The following CDH12 variants were observed in gnomAD, a reference collection of about 807,000 sequenced individuals.
CDH12 encodes cadherin-12.
A neutral mutation model predicts 74.1 loss-of-function variants in CDH12; 41 were observed. That is an observed-to-expected ratio of 0.55 (90% CI 0.43 to 0.72). The LOEUF (loss-of-function observed/expected upper bound fraction) is 0.72, where lower values mean the gene tolerates loss of function less well. Ranked by LOEUF, CDH12 falls within the 30% of genes least tolerant of loss-of-function variation. The pLI, the probability that CDH12 is intolerant of heterozygous loss-of-function variation, is 0.00. For synonymous variants in CDH12, 399 were observed against 355.0 expected, an observed-to-expected ratio of 1.12 and a Z score of -1.39; for missense variants, 945 against 977.2, an observed-to-expected ratio of 0.97 and a Z score of 0.44.
At chr5:22,781,899 C>A (rs879739197) in intron 1 of CDH12, among the ~76,000 whole-genome samples, 3 of 152,270 alleles carry the variant, frequency 2.0e-5, no homozygotes, top group Admixed American at 6.5e-5. Flanking sequence ...GGGTGTGAGA[C>A]ATGCAAAGAA....
intron 3 of CDH12, among the ~76,000 whole-genome samples, chr5:22,369,704 C>T (rs1356509991): frequency 1.3e-5 from 2 of 152,142 alleles, no homozygotes; most frequent in Non-Finnish European, 2.9e-5. Context: ...GCTCTTCGAA[C>T]ACACAAAATC....
At chr5:22,760,402 C>T (rs1286970677) in intron 1 of CDH12, among the ~76,000 whole-genome samples, 3 of 152,004 alleles carry the variant, frequency 2.0e-5, no homozygotes, top group Admixed American at 6.5e-5. Context: ...GTAAATGGGC[C>T]GGGCGCGGTG....
intron 4 of CDH12, among the ~76,000 whole-genome samples, chr5:22,199,320 C>T (rs1355521157): frequency 2.0e-5 from 3 of 152,164 alleles, no homozygotes; most frequent in Non-Finnish European, 4.4e-5. Context: ...GGTTAGATAA[C>T]TCAGGAGTCT....
At chr5:22,164,468 G>T (rs950852506) in intron 4 of CDH12, among the ~76,000 whole-genome samples, 7 of 152,194 alleles carry the variant, frequency 4.6e-5, no homozygotes, top group Non-Finnish European at 8.8e-5. Flanking sequence ...ATGGAAGTCA[G>T]CGGAGGGTCT....
chr5:21,844,764 C>T (rs1485635175), intron 7 of CDH12, among the ~76,000 whole-genome samples: 2 of 151,870 alleles, frequency 1.3e-5, no homozygotes, highest in African/African-American at 4.8e-5. Context: ...GGCAAATAAC[C>T]AGAAAAAAAC....
chr5:21,764,896 G>T, intron 12 of CDH12, 82 bp downstream of exon 12: 1 of 1,256,848 alleles, frequency 8.0e-7, no homozygotes, highest in East Asian at 2.3e-5. Context: ...ATATATGTGT[G>T]CATATTCATG....
Position 22,847,172 on chromosome 5 carries a change from C to CT in CDH12, c.-523+5885_-523+5886insA, listed in dbSNP as rs764760365. On this transcript the variant is annotated intron_variant, in intron 1 of 14. Transcript: ENST00000382254. Reference sequence around the variant, plus strand: ...TATAACTAGATTTCTCACTATAAGACACTCTTTTACTTGAGAAATTTATTT... The same window carrying CT: ...TATAACTAGATTTCTCACTATAAGACTACTCTTTTACTTGAGAAATTTATTT... Among the ~76,000 whole-genome samples the CT allele has an allele frequency of 2.4e-4, 37 of 152,110 alleles. 1 individual carries two copies. The highest frequency in any genetic ancestry group is 8.8e-5 in the Non-Finnish European group (6 of 68,018).
At chr5:22,006,869 A>T (rs945070043) in intron 5 of CDH12, among the ~76,000 whole-genome samples, 7 of 152,160 alleles carry the variant, frequency 4.6e-5, no homozygotes, top group Admixed American at 3.9e-4. Flanking sequence ...TTTTATTATT[A>T]TTAAAATTAG....
chr5:21,966,025 A>G (rs1347318746), intron 6 of CDH12, among the ~76,000 whole-genome samples: 1 of 152,138 alleles, frequency 6.6e-6, no homozygotes, highest in African/African-American at 2.4e-5. Flanking sequence ...TGATTTTAAT[A>G]AAGCCAAACC....
intron 5 of CDH12, among the ~76,000 whole-genome samples, chr5:22,045,977 T>C (rs975803613): frequency 2.0e-5 from 3 of 152,178 alleles, no homozygotes; most frequent in African/African-American, 7.2e-5. Context: ...TTGCACAATA[T>C]ATGCATATAT....
chr5:22,793,392 A>G (rs993419991), intron 1 of CDH12, among the ~76,000 whole-genome samples: 3 of 152,196 alleles, frequency 2.0e-5, no homozygotes, highest in Non-Finnish European at 2.9e-5. Context: ...GGTGATTATA[A>G]CTACTTTATA....
chr5:22,318,426 C>T (rs1416805568), intron 3 of CDH12, among the ~76,000 whole-genome samples: 2 of 152,174 alleles, frequency 1.3e-5, no homozygotes, highest in Admixed American at 6.5e-5. Flanking sequence ...ACTGTCAGCT[C>T]GGAATCAAAG....
intron 2 of CDH12, among the ~76,000 whole-genome samples, chr5:22,475,775 T>G (rs1301416088): frequency 6.6e-6 from 1 of 152,064 alleles, no homozygotes; most frequent in Non-Finnish European, 1.5e-5. Context: ...TCAGTAACTT[T>G]AATCTTTCCC....
intron 4 of CDH12, among the ~76,000 whole-genome samples, chr5:22,147,880 G>C (rs1339618430): frequency 6.6e-6 from 1 of 152,046 alleles, no homozygotes; most frequent in Non-Finnish European, 1.5e-5. Context: ...ATTTGGGTGG[G>C]GACACAGCCA....
At chr5:21,954,676 G>A (rs1756014156) in intron 6 of CDH12, among the ~76,000 whole-genome samples, 1 of 152,030 alleles carries the variant, frequency 6.6e-6, no homozygotes, top group African/African-American at 2.4e-5. Context: ...CACAATAGAT[G>A]TTTAATGAGA....
intron 4 of CDH12, among the ~76,000 whole-genome samples, chr5:22,095,575 T>G (rs1287001966): frequency 2.0e-5 from 3 of 151,974 alleles, no homozygotes; most frequent in Non-Finnish European, 2.9e-5. Context: ...TCTCTACCCC[T>G]TCTCTGCTTT....
At chr5:22,425,940 A>G (rs564435814) in intron 2 of CDH12, among the ~76,000 whole-genome samples, 11 of 152,008 alleles carry the variant, frequency 7.2e-5, no homozygotes, top group African/African-American at 2.4e-4. Context: ...ATCCAGTGCT[A>G]TTGTTTGGGA....
Position 22,022,948 on chromosome 5 carries a change from C to T in CDH12, c.232-47563G>A, listed in dbSNP as rs184105817. On this transcript the variant is annotated intron_variant, in intron 5 of 14. Coordinates refer to ENST00000382254, the MANE Select transcript of CDH12 (RefSeq NM_004061.5). ...GTGCAAAATAATCTAACTGGTTTCC[C>T]TTCCTTTCATTATCACCAATCTTCC... Among the ~76,000 whole-genome samples, 4 of 152,180 alleles carry T rather than the reference C, an allele frequency of 2.6e-5. No individual in the cohort carries two copies. In the East Asian group the frequency reaches 7.7e-4, roughly 29 times the overall value.
At chr5:21,774,523 C>T (rs745514687) in intron 11 of CDH12, 2 of 152,074 alleles carry the variant, frequency 1.3e-5, no homozygotes, top group Admixed American at 6.6e-5. Context: ...AGTCATTTCC[C>T]CTAATAAACT....
Sources: allele counts gnomAD v4.1 joint callset (sites outside exome capture counted in the v4.1 genomes callset), GRCh38; gene constraint gnomAD v4.1.1; transcripts MANE v1.5; gene names NCBI Gene and HGNC (gene_info 2026-07-23, HGNC 2026-07-21).